The following COL25A1 variants were observed in gnomAD, a reference collection of about 807,000 sequenced individuals.
COL25A1 encodes collagen alpha-1(XXV) chain.
COL25A1 carries 103 observed loss-of-function variants against 128.4 expected under a neutral mutation model. That is an observed-to-expected ratio of 0.80 (90% CI 0.68 to 0.94). The LOEUF (loss-of-function observed/expected upper bound fraction) is 0.94, where lower values mean the gene tolerates loss of function less well. Among genes scored for constraint, COL25A1 ranks in the 40% least tolerant of loss-of-function variants. The probability of loss-of-function intolerance (pLI) is 0.00; values close to 1 mark genes in which losing one functional copy is unlikely to be tolerated. For missense variants in COL25A1, 745 were observed against 840.0 expected (o/e 0.89, Z 1.40); for synonymous variants, 279 against 277.2 (o/e 1.01, Z -0.06).
At chr4:108,893,205 GA>G (rs1163302437) in intron 16 of COL25A1, among the ~76,000 whole-genome samples, 3 of 152,248 alleles carry the variant, frequency 2.0e-5, no homozygotes, top group Middle Eastern at 3.4e-3. Context: ...AAATGGGGGA[GA>G]GGGGAGCAAA....
At chr4:109,027,952 C>T (rs1011619824) in intron 5 of COL25A1, among the ~76,000 whole-genome samples, 21 of 152,052 alleles carry the variant, frequency 1.4e-4, no homozygotes, top group African/African-American at 5.1e-4. Context: ...GTTGGATATG[C>T]AAGTCCAAAA....
At chr4:109,280,866 C>T (rs1018743445) in intron 3 of COL25A1, among the ~76,000 whole-genome samples, 1 of 151,882 alleles carries the variant, frequency 6.6e-6, no homozygotes, top group Admixed American at 6.6e-5. Flanking sequence ...AGGCTGGTCT[C>T]GAACTCCTGA....
At chr4:109,017,243 G>A (rs1264463137) in intron 5 of COL25A1, among the ~76,000 whole-genome samples, 2 of 152,240 alleles carry the variant, frequency 1.3e-5, no homozygotes, top group Non-Finnish European at 2.9e-5. Context: ...AGTGTACCTG[G>A]CTGTGTGCAA....
intron 3 of COL25A1, among the ~76,000 whole-genome samples, chr4:109,237,277 C>G (rs931649197): frequency 1.3e-5 from 2 of 152,010 alleles, no homozygotes; most frequent in African/African-American, 4.8e-5. Flanking sequence ...TGAGGCATAA[C>G]TGCTCAAATA....
intron 6 of COL25A1, among the ~76,000 whole-genome samples, chr4:108,988,816 A>G (rs1054151429): frequency 6.6e-6 from 1 of 152,110 alleles, no homozygotes; most frequent in Non-Finnish European, 1.5e-5. Context: ...CACTGGCAAC[A>G]CTTTTCCTCT....
At chr4:108,859,570 G>C (rs1369362493) in intron 24 of COL25A1, 86 bp downstream of exon 24, 5 of 1,050,752 alleles carry the variant, frequency 4.8e-6, no homozygotes, top group African/African-American at 4.8e-5. Context: ...AGGATAGAGG[G>C]TGTGGAAGCT....
At chr4:108,822,455 C>A (rs1218020003) in intron 35 of COL25A1, among the ~76,000 whole-genome samples, 2 of 152,130 alleles carry the variant, frequency 1.3e-5, no homozygotes, top group African/African-American at 4.8e-5. Context: ...CTTGTTCTGT[C>A]ACCCAGGCTA....
In COL25A1 at chr4:108,863,299, CCA is replaced by C. The variant is rs1269847274; in HGVS notation, c.1152+18_1152+19del. ...AATCAAGCCAGAGAATGGTTATTTT[CCA>C]GTTTAAGAATAACTCACCTTTGGTC... is the stretch of plus-strand genomic sequence containing the variant. On this transcript the variant is annotated intron_variant, in intron 21 of 37. Coordinates refer to ENST00000399132, the MANE Select transcript of COL25A1 (RefSeq NM_198721.4). 1 of 1,609,002 alleles carries C rather than the reference CCA, an allele frequency of 6.2e-7. No individual in the cohort carries two copies. The highest frequency in any genetic ancestry group is 8.5e-7 in the Non-Finnish European group (1 of 1,175,820).
intron 3 of COL25A1, among the ~76,000 whole-genome samples, chr4:109,051,563 A>T (rs1320987910): frequency 1.3e-5 from 2 of 151,926 alleles, no homozygotes; most frequent in Admixed American, 1.3e-4. Context: ...ATGAGCCCAG[A>T]GAACCCTAAA....
chr4:109,187,110 A>G (rs1775208343), intron 3 of COL25A1, among the ~76,000 whole-genome samples: 1 of 152,176 alleles, frequency 6.6e-6, no homozygotes, highest in Non-Finnish European at 1.5e-5. Context: ...GAAAGAAGGG[A>G]GAATCTACAG....
intron 3 of COL25A1, among the ~76,000 whole-genome samples, chr4:109,155,143 A>G (rs1771908781): frequency 6.6e-6 from 1 of 152,226 alleles, no homozygotes; most frequent in Non-Finnish European, 1.5e-5. Context: ...AAGGGAGCAT[A>G]AAGCTAACCA....
chr4:108,973,437 C>T (rs1278641550), intron 8 of COL25A1, among the ~76,000 whole-genome samples: 1 of 152,180 alleles, frequency 6.6e-6, no homozygotes, highest in East Asian at 1.9e-4. Context: ...AATACAACTA[C>T]AAACCTTTCA....
chr4:108,908,365 C>T (rs1743781935), intron 13 of COL25A1, among the ~76,000 whole-genome samples: 1 of 152,168 alleles, frequency 6.6e-6, no homozygotes, highest in Non-Finnish European at 1.5e-5. Context: ...TTCTTCCCTC[C>T]CTCCTAGAAC....
At chr4:109,147,816 CA>C (rs34761348) in intron 3 of COL25A1, among the ~76,000 whole-genome samples, 13,891 of 100,346 alleles carry the variant, frequency 0.14, 755 homozygotes, top group East Asian at 0.28. Context: ...GACTCTGTCT[CA>C]AAAAAAAAAA....
intron 8 of COL25A1, among the ~76,000 whole-genome samples, chr4:108,952,280 G>A (rs1749522584): frequency 6.6e-6 from 1 of 151,678 alleles, no homozygotes; most frequent in Non-Finnish European, 1.5e-5. Flanking sequence ...GAATAAATAA[G>A]CACATTTATA....
chr4:108,908,940 C>T (rs1025706570), intron 13 of COL25A1, among the ~76,000 whole-genome samples: 2 of 151,976 alleles, frequency 1.3e-5, no homozygotes, highest in African/African-American at 4.8e-5. Context: ...TGGGGCCATC[C>T]GGTTAGACAT....
chr4:108,831,957 G>A (rs1733176073), intron 32 of COL25A1, among the ~76,000 whole-genome samples: 1 of 152,052 alleles, frequency 6.6e-6, no homozygotes, highest in Non-Finnish European at 1.5e-5. Flanking sequence ...GAATACTTAG[G>A]TTTCATTATT....
intron 3 of COL25A1, among the ~76,000 whole-genome samples, chr4:109,125,347 G>T (rs1359218039): frequency 1.3e-5 from 2 of 152,086 alleles, no homozygotes; most frequent in African/African-American, 4.8e-5. Context: ...AGGGCAAATA[G>T]CCTTCTCAGG....
intron 3 of COL25A1, among the ~76,000 whole-genome samples, chr4:109,274,165 C>A (rs1337943420): frequency 6.6e-6 from 1 of 151,890 alleles, no homozygotes; most frequent in African/African-American, 2.4e-5. Flanking sequence ...TTCAAAGTAT[C>A]TTTTATTTTC....
Sources: allele counts gnomAD v4.1 joint callset (sites outside exome capture counted in the v4.1 genomes callset), GRCh38; gene constraint gnomAD v4.1.1; transcripts MANE v1.5; gene names NCBI Gene and HGNC (gene_info 2026-07-23, HGNC 2026-07-21).